The following QTMAN variants were observed in gnomAD, a reference collection of about 807,000 sequenced individuals.
The protein encoded by QTMAN is tRNA-queuosine alpha-mannosyltransferase.
the QTMAN span, among the ~76,000 whole-genome samples, chr2:144,124,565 G>C: frequency 6.6e-6 from 1 of 152,060 alleles, no homozygotes; most frequent in Non-Finnish European, 1.5e-5. Flanking sequence ...GGAAAGAACT[G>C]AAGAGCCATG....
the QTMAN span, among the ~76,000 whole-genome samples, chr2:144,118,773 T>C: frequency 1.5e-3 from 221 of 152,186 alleles, no homozygotes; most frequent in Non-Finnish European, 1.7e-3. Flanking sequence ...CCCAGCTACT[T>C]GGGAGGCTGA....
chr2:144,102,613 T>C, the QTMAN span, among the ~76,000 whole-genome samples: 9 of 152,204 alleles, frequency 5.9e-5, no homozygotes, highest in Non-Finnish European at 1.5e-5. Flanking sequence ...CTGTTGGATA[T>C]GCTGGCTTCC....
the QTMAN span, among the ~76,000 whole-genome samples, chr2:144,029,285 TATTAGAGGGAGACTC>T: frequency 6.6e-6 from 1 of 152,198 alleles, no homozygotes; most frequent in Non-Finnish European, 1.5e-5. Flanking sequence ...GGGTTATCAT[TATTAGAGGGAGACTC>T]CTGGAAAAGT....
At chr2:144,004,001 C>G in the QTMAN span, among the ~76,000 whole-genome samples, 3 of 151,938 alleles carry the variant, frequency 2.0e-5, no homozygotes. Flanking sequence ...AAGGTAATGA[C>G]AAGATCTAAG....
the QTMAN span, among the ~76,000 whole-genome samples, chr2:144,031,451 G>A: frequency 6.6e-6 from 1 of 152,136 alleles, no homozygotes; most frequent in Non-Finnish European, 1.5e-5. Flanking sequence ...TGTTTTTCAT[G>A]AAGCCAGGAA....
the QTMAN span, among the ~76,000 whole-genome samples, chr2:144,152,706 G>A: frequency 6.6e-6 from 1 of 152,118 alleles, no homozygotes; most frequent in African/African-American, 2.4e-5. Context: ...TCTGTTTTTA[G>A]ACATTCTATC....
the QTMAN span, among the ~76,000 whole-genome samples, chr2:144,059,095 C>T: frequency 2.3e-3 from 356 of 152,346 alleles, 1 homozygote; most frequent in African/African-American, 8.2e-3. Flanking sequence ...GCATAGCCCT[C>T]AGATTCTGGC....
At chr2:144,222,373 T>C in the QTMAN span, among the ~76,000 whole-genome samples, 1 of 151,772 alleles carries the variant, frequency 6.6e-6, no homozygotes, top group Non-Finnish European at 1.5e-5. Flanking sequence ...CTCAAAGTTT[T>C]AAACTTCAAG....
At chr2:144,284,933 C>T in the QTMAN span, among the ~76,000 whole-genome samples, 2 of 128,372 alleles carry the variant, frequency 1.6e-5, no homozygotes, top group African/African-American at 5.8e-5. Context: ...GGAGGCCAAA[C>T]TTTTTTTTTT....
At chr2:144,053,198 A>G in the QTMAN span, among the ~76,000 whole-genome samples, 1 of 152,258 alleles carries the variant, frequency 6.6e-6, no homozygotes, top group African/African-American at 2.4e-5. Context: ...AACTACCCAT[A>G]GTACTATTTC....
the QTMAN span, among the ~76,000 whole-genome samples, chr2:144,179,947 T>C: frequency 6.6e-6 from 1 of 152,184 alleles, no homozygotes; most frequent in South Asian, 2.1e-4. Flanking sequence ...TGTAGTTTGT[T>C]GTTGTAAAGG....
the QTMAN span, among the ~76,000 whole-genome samples, chr2:144,252,771 TA>T: frequency 1.3e-5 from 2 of 152,180 alleles, no homozygotes; most frequent in African/African-American, 4.8e-5. Context: ...GTAGAAAACT[TA>T]CATACATGCA....
the QTMAN span, among the ~76,000 whole-genome samples, chr2:144,253,860 T>G: frequency 1.6e-4 from 24 of 151,862 alleles, no homozygotes; most frequent in African/African-American, 5.6e-4. Flanking sequence ...CAGGGGAAAA[T>G]GTCTCCAGGG....
chr2:143,963,810 G>C, the QTMAN span: 1 of 151,910 alleles, frequency 6.6e-6, no homozygotes, highest in Non-Finnish European at 1.5e-5. Context: ...ATGTTTTGTT[G>C]TTTTCTTTAT....
the QTMAN span, among the ~76,000 whole-genome samples, chr2:144,173,136 C>A: frequency 6.6e-6 from 1 of 152,060 alleles, no homozygotes; most frequent in Admixed American, 6.6e-5. Context: ...TAACTCTGTT[C>A]TTCTGGTGAA....
chr2:144,005,930 C>A, the QTMAN span: 1 of 151,906 alleles, frequency 6.6e-6, no homozygotes, highest in African/African-American at 2.4e-5. Context: ...GATTTTCCTG[C>A]AATAAATAGT....
At chr2:144,133,929 AT>A in the QTMAN span, among the ~76,000 whole-genome samples, 1 of 152,088 alleles carries the variant, frequency 6.6e-6, no homozygotes, top group African/African-American at 2.4e-5. Flanking sequence ...CCATTTCATT[AT>A]TTCACAGAGC....
chr2:144,332,333 C>G, the QTMAN span: 1 of 149,530 alleles, frequency 6.7e-6, no homozygotes, highest in South Asian at 2.1e-4. Context: ...CTGGGATCTC[C>G]GCGCAGCGCG....
chr2:144,082,468 G>A, the QTMAN span, among the ~76,000 whole-genome samples: 1 of 152,114 alleles, frequency 6.6e-6, no homozygotes, highest in East Asian at 1.9e-4. Context: ...CTGGGGGGAA[G>A]GGGGTGTATA....
Sources: allele counts gnomAD v4.1 joint callset (sites outside exome capture counted in the v4.1 genomes callset), GRCh38; gene constraint gnomAD v4.1.1; transcripts MANE v1.5; gene names NCBI Gene and HGNC (gene_info 2026-07-23, HGNC 2026-07-21).